Variants in OSBPL1A observed in about 807,000 individuals in gnomAD.
OSBPL1A encodes oxysterol-binding protein-related protein 1.
A neutral mutation model predicts 137.1 loss-of-function variants in OSBPL1A; 80 were observed. That is an observed-to-expected ratio of 0.58 (90% CI 0.49 to 0.70). The LOEUF (loss-of-function observed/expected upper bound fraction) is 0.70, where lower values mean the gene tolerates loss of function less well. OSBPL1A is among the 30% of genes least tolerant of loss of function. The probability of loss-of-function intolerance (pLI) is 0.00; values close to 1 mark genes in which losing one functional copy is unlikely to be tolerated. For missense variants in OSBPL1A, 970 were observed against 1,129.4 expected (o/e 0.86, Z 2.02); for synonymous variants, 365 against 389.7 (o/e 0.94, Z 0.75).
intron 3 of OSBPL1A, 117 bp downstream of exon 3, chr18:24,368,169 GA>G: frequency 1.6e-6 from 1 of 611,928 alleles, no homozygotes; most frequent in Non-Finnish European, 2.9e-6. Context: ...CTTGAATGAT[GA>G]ACTATTGCTT....
chr18:24,199,799 C>T (rs2087161141), intron 17 of OSBPL1A, among the ~76,000 whole-genome samples: 1 of 152,106 alleles, frequency 6.6e-6, no homozygotes, highest in Admixed American at 6.5e-5. Context: ...GGGTTTCAGA[C>T]AGAGGCTGGA....
In OSBPL1A at chr18:24,170,553, C is replaced by A. The variant is rs138870222; in HGVS notation, c.2292-100G>T. 894 of 1,313,628 alleles carry A rather than the reference C, an allele frequency of 6.8e-4. 2 individuals carry two copies. In the African/African-American group the frequency reaches 0.011, roughly 16 times the overall value. 81.4% of individuals were successfully genotyped at this position (1,313,628 alleles called of 1,614,324 possible). A position where few individuals can be genotyped will look rare whatever the true frequency, so the allele number is the denominator to read the frequency against. On this transcript the variant is annotated intron_variant, in intron 23 of 27. Coordinates refer to ENST00000319481, the MANE Select transcript of OSBPL1A (RefSeq NM_080597.4). ...AGGCGGTCTCCCATCCGAGTACTAA[C>A]CAGGCCTGACCCTGCTTAGCTTCCA...
chr18:24,310,432 C>CAAAAAAAAAAAA (rs3039412), intron 13 of OSBPL1A, among the ~76,000 whole-genome samples: 47 of 89,204 alleles, frequency 5.3e-4, no homozygotes, highest in Non-Finnish European at 7.8e-4. Context: ...ACTAAAAATA[C>CAAAAAAAAAAAA]AAAAAAAAAA....
At chr18:24,254,251 G>A (rs748782356) in intron 15 of OSBPL1A, among the ~76,000 whole-genome samples, 19 of 152,066 alleles carry the variant, frequency 1.2e-4, no homozygotes, top group East Asian at 5.8e-4. Flanking sequence ...AATAATTGCC[G>A]GAGGTCACAA....
chr18:24,296,393 G>A (rs936816533), intron 14 of OSBPL1A, among the ~76,000 whole-genome samples: 9 of 152,104 alleles, frequency 5.9e-5, no homozygotes, highest in Admixed American at 3.9e-4. Flanking sequence ...TGAGATCTAG[G>A]AGTCTTTTGG....
chr18:24,199,278 G>A (rs1026006318), intron 17 of OSBPL1A, among the ~76,000 whole-genome samples: 3 of 152,124 alleles, frequency 2.0e-5, no homozygotes, highest in Admixed American at 2.0e-4. Flanking sequence ...CAAAGCTAGA[G>A]AAACAAAAGC....
At chr18:24,229,263 C>T (rs1051173615) in intron 16 of OSBPL1A, among the ~76,000 whole-genome samples, 15 of 152,050 alleles carry the variant, frequency 9.9e-5, no homozygotes, top group African/African-American at 9.7e-5. Context: ...GGTAGTCTCC[C>T]GATACATGTC....
At chr18:24,285,852 T>G in intron 14 of OSBPL1A, among the ~76,000 whole-genome samples, 1 of 152,118 alleles carries the variant, frequency 6.6e-6, no homozygotes, top group Non-Finnish European at 1.5e-5. Flanking sequence ...ATGATTGAAG[T>G]CCATTTTAAA....
At chr18:24,311,921 A>C (rs2090625238) in intron 13 of OSBPL1A, 63 bp downstream of exon 13, 1 of 1,579,006 alleles carries the variant, frequency 6.3e-7, no homozygotes, top group African/African-American at 1.4e-5. Context: ...TAAAGAAAAA[A>C]GTTCTTGATT....
rs184692883 is a variant in OSBPL1A at position 24,285,039 on chromosome 18, G to A, written c.1175-4091C>T. Among the ~76,000 whole-genome samples, 15 of 152,224 alleles carry A rather than the reference G, an allele frequency of 9.9e-5. No individual in the cohort carries two copies. The East Asian group carries it at 2.7e-3, about 27-fold the overall frequency. On this transcript the variant is annotated intron_variant, in intron 14 of 27. Transcript: ENST00000319481. ...CACACCACTGCACTTCAGCCTGTGC[G>A]ACAGAGAAAGACCCTGTCTCTAAAA...
chr18:24,326,800 T>A lies in OSBPL1A; in HGVS notation c.625+6142A>T, dbSNP rs1344296853. Among the ~76,000 whole-genome samples the A allele has an allele frequency of 3.3e-5, 5 of 152,208 alleles. No individual in the cohort carries two copies. The East Asian group carries it at 9.6e-4, about 29-fold the overall frequency. On this transcript the variant is annotated intron_variant, in intron 7 of 27. Coordinates refer to ENST00000319481, the MANE Select transcript of OSBPL1A (RefSeq NM_080597.4). ...GGTAGTATCATTACTTAAAACTTTT[T>A]AAAAAATATATGTTACTATGAAACA...
chr18:24,201,017 G>T (rs2087204226), intron 17 of OSBPL1A, among the ~76,000 whole-genome samples: 1 of 152,034 alleles, frequency 6.6e-6, no homozygotes, highest in Admixed American at 6.6e-5. Flanking sequence ...GAACAGACGA[G>T]AGCAGCAATC....
Position 24,179,651 on chromosome 18 carries a change from A to G in OSBPL1A, c.1910+87T>C. 6 of 1,131,452 alleles carry G rather than the reference A, an allele frequency of 5.3e-6. No individual in the cohort carries two copies. The South Asian group carries it at 6.5e-5, about 12-fold the overall frequency. The allele number at this position is 1,131,452 out of a possible 1,614,324, so 70.1% of individuals were successfully genotyped here. ...AATTGTTAACTTGCTCCAGTCCTAT[A>G]TAATTGTTATTCGTGATGACCAATA... On this transcript the variant is annotated intron_variant, in intron 20 of 27. Transcript: ENST00000319481.
intron 1 of OSBPL1A, among the ~76,000 whole-genome samples, chr18:24,397,125 T>A (rs1907802421): frequency 6.6e-6 from 1 of 152,088 alleles, no homozygotes; most frequent in Admixed American, 6.5e-5. Flanking sequence ...GCGGGATAAG[T>A]GAATTGTTAA....
intron 1 of OSBPL1A, among the ~76,000 whole-genome samples, chr18:24,395,486 G>A (rs1310957156): frequency 6.6e-6 from 1 of 152,076 alleles, no homozygotes; most frequent in Non-Finnish European, 1.5e-5. Context: ...GAGAAAATTT[G>A]TAATGTATTA....
intron 15 of OSBPL1A, among the ~76,000 whole-genome samples, chr18:24,274,914 TA>T (rs561757844): frequency 2.2e-3 from 298 of 133,182 alleles, no homozygotes; most frequent in Middle Eastern, 3.7e-3. Context: ...ATCTCAAAAT[TA>T]AAAAAAAAAA....
At chr18:24,229,740 CA>C (rs2088209507) in intron 16 of OSBPL1A, among the ~76,000 whole-genome samples, 1 of 151,770 alleles carries the variant, frequency 6.6e-6, no homozygotes, top group African/African-American at 2.4e-5. Flanking sequence ...AGTGATAAAT[CA>C]ATCTTTTTTT....
intron 1 of OSBPL1A, among the ~76,000 whole-genome samples, chr18:24,393,502 G>T (rs1338352868): frequency 6.6e-6 from 1 of 151,868 alleles, no homozygotes; most frequent in Non-Finnish European, 1.5e-5. Flanking sequence ...GCCTAGGCTG[G>T]AGTGCAGTGG....
At chr18:24,337,398 A>T (rs12968975) in intron 5 of OSBPL1A, among the ~76,000 whole-genome samples, 3,135 of 151,604 alleles carry the variant, frequency 0.021, 49 homozygotes, top group Non-Finnish European at 0.03. Context: ...ACATAACATA[A>T]CATAACATAA....
Sources: gnomAD v4.1 joint callset for allele counts (sites outside exome capture counted in the v4.1 genomes callset) on GRCh38, gnomAD v4.1.1 for gene constraint, MANE v1.5 for transcripts, NCBI Gene and HGNC (gene_info 2026-07-23, HGNC 2026-07-21) for gene names.